The following ABCF2 variants were observed in gnomAD, a reference collection of about 807,000 sequenced individuals.
ABCF2 encodes ATP-binding cassette sub-family F member 2.
In ABCF2, 37 loss-of-function variants were observed where a neutral mutation model predicts 76.9. The observed-to-expected ratio is 0.48, with a 90% CI of 0.37 to 0.63. ABCF2 has a LOEUF of 0.63. ABCF2 is among the 30% of genes least tolerant of loss of function. The probability of loss-of-function intolerance (pLI) is 0.00; values close to 1 mark genes in which losing one functional copy is unlikely to be tolerated. For missense variants in ABCF2, 524 were observed against 782.1 expected (o/e 0.67, Z 3.94); for synonymous variants, 299 against 283.7 (o/e 1.05, Z -0.54).
Position 151,215,697 on chromosome 7 carries a change from A to C in ABCF2, c.1437T>G (p.Pro479=), listed in dbSNP as rs201229882. 6.2e-7 allele frequency: 1 copy of C among 1,614,148 alleles called. No homozygotes were observed. The change falls in exon 13 of 15, where the codon CCT becomes CCG. Residue 479 remains proline (P), a synonymous_variant. Transcript: ENST00000287844. The surrounding 1 kb of genome is among the most constrained non-coding windows in gnomAD (Gnocchi z 4.6). The part of the protein sequence containing the change: ...LQEQLDLDLS[P]LEYMMKCYPE... ...GGTAGCACTTCATCATGTACTCCAAAGGTGAGAGATCTAAGTCCAGCTGCT... is the reference window on the plus strand; with the variant it reads ...GGTAGCACTTCATCATGTACTCCAACGGTGAGAGATCTAAGTCCAGCTGCT...
chr7:151,218,207 G>A lies in ABCF2; in HGVS notation c.1228-16C>T, dbSNP rs150404208. ...AGATGCAAGGCTGAGGTGGGGATGA[G>A]AGAGATGTGGACACAAGGCTAGAAT... On this transcript the variant is annotated splice_polypyrimidine_tract_variant and intron_variant, in intron 10 of 14. Coordinates refer to ENST00000287844, the MANE Select transcript of ABCF2 (RefSeq NM_007189.3). 3.9e-6 allele frequency: 6 copies of A among 1,542,102 alleles called. No homozygotes were observed. The African/African-American group carries it at 6.8e-5, about 18-fold the overall frequency.
intron 7 of ABCF2, among the ~76,000 whole-genome samples, chr7:151,219,430 A>G (rs557152188): frequency 6.6e-6 from 1 of 152,368 alleles, no homozygotes; most frequent in Non-Finnish European, 1.5e-5. Flanking sequence ...CACTGGGAAT[A>G]GTCCTGAAAA....
At position 151,213,968 on chromosome 7, in the gene ABCF2, C is replaced by A; in HGVS notation, c.*86G>T. ...GTATTGCAGCAATGCAGGAGTGTAGCCCCAGGGTCCTGTCCTGAGCGGCTG... is the reference window on the plus strand; with the variant it reads ...GTATTGCAGCAATGCAGGAGTGTAGACCCAGGGTCCTGTCCTGAGCGGCTG... On this transcript the variant is annotated 3_prime_UTR_variant, in exon 15 of 15. Transcript: ENST00000287844. The A allele has an allele frequency of 1.3e-6, 2 of 1,564,406 alleles. No individual in the cohort carries two copies. Among genetic ancestry groups the A allele is most frequent in the Non-Finnish European group, 8.6e-7 (1 of 1,160,632 alleles).
In ABCF2 at chr7:151,213,917, G is replaced by A. The variant is rs1802098961; in HGVS notation, c.*137C>T. 6.1e-6 allele frequency: 9 copies of A among 1,479,700 alleles called. No homozygotes were observed. Among genetic ancestry groups the A allele is most frequent in the Admixed American group, 2.5e-5 (1 of 39,486 alleles). 91.7% of individuals were successfully genotyped at this position (1,479,700 alleles called of 1,614,324 possible). A position where few individuals can be genotyped will look rare whatever the true frequency, so the allele number is the denominator to read the frequency against. ...AGAGAGTGCAGCTAAGGCAGGTTGA[G>A]GGGCAGGGGAGAGGCTGGGGGAGCA... is the stretch of plus-strand genomic sequence containing the variant. On this transcript the variant is annotated 3_prime_UTR_variant, in exon 15 of 15. Coordinates refer to ENST00000287844, the MANE Select transcript of ABCF2 (RefSeq NM_007189.3).
At chr7:151,221,515 T>TTAA in intron 7 of ABCF2, 63 bp downstream of exon 7, 1 of 1,083,916 alleles carries the variant, frequency 9.2e-7, no homozygotes. Context: ...TTTTTTTTTT[T>TTAA]AAAGAGAATT....
rs190154658 is a variant in ABCF2, at chr7:151,225,892, C to A, written c.154+413G>T. On this transcript the variant is annotated intron_variant, in intron 2 of 14. Coordinates refer to ENST00000287844, the MANE Select transcript of ABCF2 (RefSeq NM_007189.3). ...AAAGGGAGCTCTCTCCCAGGAAAAA[C>A]CCCATAAATCAACTCATAAGTTACT... Among the ~76,000 whole-genome samples, 5 of 152,266 alleles carry A rather than the reference C, an allele frequency of 3.3e-5. No homozygotes were observed. The East Asian group carries it at 5.8e-4, about 18-fold the overall frequency.
At position 151,226,428 on chromosome 7, in the gene ABCF2, C is replaced by T. The variant is rs1230049823; in HGVS notation, c.31G>A (p.Ala11Thr). Residue 11 changes from alanine (A) to threonine (T), a missense_variant, in exon 2 of 15, where the codon GCC (alanine) becomes ACC (threonine). Around this residue, in one of 2 missense-constraint regions of ABCF2, gnomAD observed 330 missense variants for 433.6 expected, o/e 0.76. Transcript: ENST00000287844. The part of the protein sequence containing the change: MPSDLAKKKA[A>T]KKKEAAKARQ... ...GCTTTGGCAGCCTCCTTCTTTTTGG[C>T]TGCCTTCTTCTTGGCCAGGTCGGAG... is the stretch of plus-strand genomic sequence containing the variant. The T allele has an allele frequency of 8.1e-6, 13 of 1,613,990 alleles. No individual in the cohort carries two copies. The highest frequency in any genetic ancestry group is 2.7e-5 in the African/African-American group (2 of 74,898).
At chr7:151,222,747 C>T (rs1802296186) in intron 5 of ABCF2, 131 bp from the exon 6 acceptor site, 2 of 627,748 alleles carry the variant, frequency 3.2e-6, no homozygotes, top group South Asian at 4.2e-5. Flanking sequence ...ATTTTAGGCT[C>T]TATACCTCAG....
chr7:151,217,972 C>G lies in ABCF2; in HGVS notation c.1338+109G>C. ...ACCCCTCCAGATGGCTCACTCACCACCAGGGTACTCAGGCCCTCCCAAAGT... is the reference window on the plus strand; with the variant it reads ...ACCCCTCCAGATGGCTCACTCACCAGCAGGGTACTCAGGCCCTCCCAAAGT... On this transcript the variant is annotated intron_variant, in intron 11 of 14. Coordinates refer to ENST00000287844, the MANE Select transcript of ABCF2 (RefSeq NM_007189.3). 5 of 777,140 alleles carry G rather than the reference C, an allele frequency of 6.4e-6. No homozygotes were observed. In the East Asian group the frequency reaches 1.2e-4, roughly 19 times the overall value. 48.1% of individuals were successfully genotyped at this position (777,140 alleles called of 1,614,324 possible).
Position 151,215,878 on chromosome 7 carries a change from G to C in ABCF2, c.1401+89C>G, listed in dbSNP as rs546637416. 16 of 1,584,526 alleles carry C rather than the reference G, an allele frequency of 1.0e-5. No individual in the cohort carries two copies. In the South Asian group the frequency reaches 1.6e-4, roughly 16 times the overall value. On this transcript the variant is annotated intron_variant, in intron 12 of 14. Coordinates refer to ENST00000287844, the MANE Select transcript of ABCF2 (RefSeq NM_007189.3). The surrounding 1 kb of genome is among the most constrained non-coding windows in gnomAD (Gnocchi z 4.6). ...CCACCTAGGCTGGAATTCCTGCCAGGGGGTGGGGGCGGCTGGCTGGAACTC... is the reference window on the plus strand; with the variant it reads ...CCACCTAGGCTGGAATTCCTGCCAGCGGGTGGGGGCGGCTGGCTGGAACTC...
chr7:151,212,335 G>T lies in ABCF2; in HGVS notation c.*1719C>A, dbSNP rs979498766. The T allele has an allele frequency of 1.0e-6, 1 of 985,330 alleles. No homozygotes were observed. The highest frequency in any genetic ancestry group is 1.7e-5 in the African/African-American group (1 of 57,238). The allele number at this position is 985,330 out of a possible 1,614,324, so 61.0% of individuals were successfully genotyped here. A position where few individuals can be genotyped will look rare whatever the true frequency, so the allele number is the denominator to read the frequency against. The stretch of plus-strand genomic sequence containing the variant: ...CTGGGCTGGAAGTGAATTCAACAGT[G>T]ATGATAACTATGGCTGTGGACAGGT... On this transcript the variant is annotated 3_prime_UTR_variant, in exon 15 of 15. Coordinates refer to ENST00000287844, the MANE Select transcript of ABCF2 (RefSeq NM_007189.3).
At chr7:151,225,270 T>C (rs1031823086) in intron 2 of ABCF2, among the ~76,000 whole-genome samples, 1 of 152,250 alleles carries the variant, frequency 6.6e-6, no homozygotes, top group African/African-American at 2.4e-5. Flanking sequence ...TCTTTCTAAT[T>C]GCTTTCTAAG....
chr7:151,218,612 A>G lies in ABCF2; in HGVS notation c.1176T>C (p.Pro392=). 6.2e-7 allele frequency: 1 copy of G among 1,614,118 alleles called. No homozygotes were observed. The highest frequency in any genetic ancestry group is 8.5e-7 in the Non-Finnish European group (1 of 1,180,018). Residue 392 remains proline (P), a synonymous_variant, in exon 10 of 15, where the codon CCT becomes CCC. Transcript: ENST00000287844. ...SFYFPPCGKI[P]PPVIMVQNVS... is the part of the protein sequence containing the mutation. Reference sequence around the variant, plus strand: ...CATTTTGCACCATAATGACAGGTGGAGGGATCTTGCCACATGGTGGGAAAT... The same window carrying G: ...CATTTTGCACCATAATGACAGGTGGGGGGATCTTGCCACATGGTGGGAAAT...
intron 7 of ABCF2, 92 bp from the exon 8 acceptor site, chr7:151,219,251 A>C: frequency 9.1e-7 from 1 of 1,104,042 alleles, no homozygotes; most frequent in Non-Finnish European, 1.4e-6. Flanking sequence ...GAGGGATGGC[A>C]CTAACTTGGC....
In ABCF2 at chr7:151,225,033, C is replaced by T. The variant is rs536628618; in HGVS notation, c.155-45G>A. 2.1e-5 allele frequency: 33 copies of T among 1,563,690 alleles called. No homozygotes were observed. The Admixed American group carries it at 2.3e-4, about 11-fold the overall frequency. ...TTGGGAAGATGGCGTGAGACAGACTCGGCTCTCCACAAAGGTCAACGTCCT... is the reference window on the plus strand; with the variant it reads ...TTGGGAAGATGGCGTGAGACAGACTTGGCTCTCCACAAAGGTCAACGTCCT... On this transcript the variant is annotated intron_variant, in intron 2 of 14. Transcript: ENST00000287844.
Position 151,215,679 on chromosome 7 carries a change from C to T in ABCF2, c.1455G>A (p.Lys485=). Residue 485 remains lysine (K), a synonymous_variant, in exon 13 of 15, where the codon AAG becomes AAA. Coordinates refer to ENST00000287844, the MANE Select transcript of ABCF2 (RefSeq NM_007189.3). This position sits in a 1 kb window ranked among gnomAD's most constrained non-coding sequence, Gnocchi z 4.6. ...CCTTCTCCTTGATCTCTGGGTAGCA[C>T]TTCATCATGTACTCCAAAGGTGAGA... is the stretch of plus-strand genomic sequence containing the variant. ...LDLSPLEYMM[K]CYPEIKEKEE... The T allele has an allele frequency of 6.2e-7, 1 of 1,614,178 alleles. No homozygotes were observed. The highest frequency in any genetic ancestry group is 8.5e-7 in the Non-Finnish European group (1 of 1,180,032).
intron 11 of ABCF2, among the ~76,000 whole-genome samples, chr7:151,217,249 C>T (rs903092733): frequency 6.6e-6 from 1 of 152,154 alleles, no homozygotes. Flanking sequence ...TGCACTCACA[C>T]ACCCGCACTC....
At position 151,212,495 on chromosome 7, in the gene ABCF2, A is replaced by G. The variant is rs1802066472; in HGVS notation, c.*1559T>C. 1.0e-6 allele frequency: 1 copy of G among 985,406 alleles called. No individual in the cohort carries two copies. The highest frequency in any genetic ancestry group is 4.7e-5 in the South Asian group (1 of 21,278). The allele number at this position is 985,406 out of a possible 1,614,324, so 61.0% of individuals were successfully genotyped here. ...TTAATCAATAGGTCTGATGCTCAGC[A>G]ATCTGAATTTTTTTATTTTTTTGAG... On this transcript the variant is annotated 3_prime_UTR_variant, in exon 15 of 15. Coordinates refer to ENST00000287844, the MANE Select transcript of ABCF2 (RefSeq NM_007189.3).
Position 151,221,878 on chromosome 7 carries a change from GAC to G in ABCF2, c.819-200_819-199del, listed in dbSNP as rs1186929585. 5.7e-6 allele frequency: 3 copies of G among 522,434 alleles called. No homozygotes were observed. The African/African-American group carries it at 5.8e-5, about 10-fold the overall frequency. 32.4% of individuals were successfully genotyped at this position (522,434 alleles called of 1,614,324 possible). A position where few individuals can be genotyped will look rare whatever the true frequency, so the allele number is the denominator to read the frequency against. On this transcript the variant is annotated intron_variant, in intron 6 of 14. Coordinates refer to ENST00000287844, the MANE Select transcript of ABCF2 (RefSeq NM_007189.3). ...ATTTGGACGCCTTTCAGTGTGGCGA[GAC>G]AGCCTGAGTTTCCTCAATCTTCTGT...
Sources: allele counts gnomAD v4.1 joint callset (sites outside exome capture counted in the v4.1 genomes callset), GRCh38; gene constraint gnomAD v4.1.1; regional missense constraint gnomAD v4.1.1; non-coding constraint Gnocchi (gnomAD v3.1); transcripts MANE v1.5; gene names NCBI Gene and HGNC (gene_info 2026-07-23, HGNC 2026-07-21).